The following SLC2A11 variants were observed in gnomAD, a reference collection of about 807,000 sequenced individuals.
The protein encoded by SLC2A11 is solute carrier family 2, facilitated glucose transporter member 11.
A neutral mutation model predicts 52.1 loss-of-function variants in SLC2A11; 43 were observed. The observed-to-expected ratio is 0.82, with a 90% CI of 0.65 to 1.06. SLC2A11 has a LOEUF of 1.06. SLC2A11 is among the 50% of genes least tolerant of loss of function. The pLI is 0.00. For missense variants in SLC2A11, 582 were observed against 654.2 expected (o/e 0.89, Z 1.20); for synonymous variants, 261 against 277.6 (o/e 0.94, Z 0.59).
At chr22:23,879,188 T>A (rs1184262090) in intron 6 of SLC2A11, among the ~76,000 whole-genome samples, 1 of 152,234 alleles carries the variant, frequency 6.6e-6, no homozygotes, top group Admixed American at 6.5e-5. Context: ...TTGTCCAGGC[T>A]GGAGTGCTGT....
At chr22:23,858,484 G>T (rs73158770) in intron 1 of SLC2A11, among the ~76,000 whole-genome samples, 9,410 of 152,228 alleles carry the variant, frequency 0.062, 322 homozygotes, top group Middle Eastern at 0.13. Flanking sequence ...ACCGCTTCTA[G>T]GGGTTCCTTC....
chr22:23,876,242 C>T (rs1033504004), intron 4 of SLC2A11, among the ~76,000 whole-genome samples: 4 of 152,146 alleles, frequency 2.6e-5, no homozygotes, highest in African/African-American at 4.8e-5. Flanking sequence ...GAGTAGCCCA[C>T]GATCCAGGGG....
intron 2 of SLC2A11, chr22:23,866,012 A>T (rs2032249016): frequency 6.6e-6 from 1 of 151,904 alleles, no homozygotes; most frequent in Admixed American, 6.6e-5. Context: ...CAAAAAAGTA[A>T]AAAAAATGCA....
intron 2 of SLC2A11, chr22:23,867,587 G>T: frequency 2.3e-6 from 1 of 441,296 alleles, no homozygotes; most frequent in Non-Finnish European, 4.7e-6. Flanking sequence ...GAGATGACAG[G>T]GTAGGGCCAC....
At chr22:23,864,412 C>T (rs573669151) in intron 2 of SLC2A11, among the ~76,000 whole-genome samples, 39 of 152,286 alleles carry the variant, frequency 2.6e-4, no homozygotes, top group African/African-American at 9.1e-4. Flanking sequence ...ACCTCCACCT[C>T]CTGGGTTCAA....
Position 23,875,904 on chromosome 22 carries a change from C to T in SLC2A11, c.415+663C>T, listed in dbSNP as rs148672019. 1.7e-3 allele frequency among the ~76,000 whole-genome samples: 264 copies of T among 152,260 alleles called. 1 individual carries two copies. The highest frequency in any genetic ancestry group is 5.8e-3 in the African/African-American group (242 of 41,528). On this transcript the variant is annotated intron_variant, in intron 4 of 11. Coordinates refer to ENST00000316185, the MANE Select transcript of SLC2A11 (RefSeq NM_001024939.4). The stretch of plus-strand genomic sequence containing the variant: ...GGTGGCTCTGGCTTGGGGTCTCTGA[C>T]GGGGCTGTGCTCAAGCTGTCAGGGC...
chr22:23,860,613 A>C (rs1378389265), intron 1 of SLC2A11, among the ~76,000 whole-genome samples: 1 of 151,820 alleles, frequency 6.6e-6, no homozygotes. Flanking sequence ...GCATGCCTGC[A>C]ATCCCAGCTA....
At position 23,868,561 on chromosome 22, in the gene SLC2A11, G is replaced by C; in HGVS notation, c.210G>C (p.Trp70Cys). 6.2e-7 allele frequency: 1 copy of C among 1,614,210 alleles called. No homozygotes were observed. The highest frequency in any genetic ancestry group is 8.5e-7 in the Non-Finnish European group (1 of 1,180,044). ...PLPDHLVLLM[W>C]SLIVSLYPLG... ...CCGATCACCTAGTCCTGCTTATGTGGTCCCTCATCGTGTCTCTGTATCCCC... is the reference window on the plus strand; with the variant it reads ...CCGATCACCTAGTCCTGCTTATGTGCTCCCTCATCGTGTCTCTGTATCCCC... The change falls in exon 3 of 12, where the codon TGG (tryptophan) becomes TGC (cysteine). Residue 70 changes from tryptophan (W) to cysteine (C), a missense_variant. By Grantham distance (215) the Trp-to-Cys change is radical. Transcript: ENST00000316185.
intron 4 of SLC2A11, among the ~76,000 whole-genome samples, chr22:23,876,359 G>A (rs1263969917): frequency 1.3e-5 from 2 of 152,088 alleles, no homozygotes; most frequent in East Asian, 1.9e-4. Flanking sequence ...AGACTCCTTG[G>A]CAATCAGCAT....
In SLC2A11 at chr22:23,884,176, G is replaced by C. The variant is rs2032922554; in HGVS notation, c.1172-126G>C. 3 of 1,478,610 alleles carry C rather than the reference G, an allele frequency of 2.0e-6. No homozygotes were observed. The highest frequency in any genetic ancestry group is 2.5e-5 in the Admixed American group (1 of 40,590). The allele number at this position is 1,478,610 out of a possible 1,614,324, so 91.6% of individuals were successfully genotyped here. A position where few individuals can be genotyped will look rare whatever the true frequency, so the allele number is the denominator to read the frequency against. On this transcript the variant is annotated intron_variant, in intron 10 of 11. Transcript: ENST00000316185. This position sits in a 1 kb window ranked among gnomAD's most constrained non-coding sequence, Gnocchi z 4.3. ...GGCTTCTGGGAGGGAATGGCAGGAG[G>C]AGAGCACTGAGGGGCCCCCCATACA...
Position 23,867,940 on chromosome 22 carries a change from C to T in SLC2A11, c.130-541C>T, listed in dbSNP as rs554757626. 5.4e-5 allele frequency: 18 copies of T among 331,480 alleles called. No homozygotes were observed. The East Asian group carries it at 1.2e-3, about 21-fold the overall frequency. 20.5% of individuals were successfully genotyped at this position (331,480 alleles called of 1,614,324 possible). On this transcript the variant is annotated intron_variant, in intron 2 of 11. Transcript: ENST00000316185. ...TCCTGAGTTTCGTGAGCCATTGTTG[C>T]AAATTATCAAACCCACAGAAAGGAT...
intron 3 of SLC2A11, 80 bp downstream of exon 3, chr22:23,868,721 G>C: frequency 6.5e-7 from 1 of 1,546,022 alleles, no homozygotes; most frequent in Non-Finnish European, 8.8e-7. Flanking sequence ...GTGGAAGAAG[G>C]AAGAGGCCCG....
chr22:23,861,963 T>C, intron 1 of SLC2A11, 141 bp from the exon 2 acceptor site: 1 of 736,068 alleles, frequency 1.4e-6, no homozygotes, highest in Non-Finnish European at 2.4e-6. Context: ...AACTCCTCTC[T>C]GTGCCTCACT....
chr22:23,879,984 C>T (rs67607077), intron 6 of SLC2A11, among the ~76,000 whole-genome samples: 2,009 of 152,224 alleles, frequency 0.013, 51 homozygotes, highest in African/African-American at 0.046. Context: ...GAGGCTGAGG[C>T]GGGCAGATCA....
At chr22:23,861,266 C>G (rs1198566236) in intron 1 of SLC2A11, among the ~76,000 whole-genome samples, 2 of 137,616 alleles carry the variant, frequency 1.5e-5, no homozygotes, top group African/African-American at 5.6e-5. Context: ...GTGTGAGCCA[C>G]TGCGCCAGGC....
intron 2 of SLC2A11, chr22:23,867,016 C>G (rs965135612): frequency 5.2e-5 from 8 of 152,444 alleles, no homozygotes; most frequent in Non-Finnish European, 8.8e-5. Flanking sequence ...TGATGTCCTG[C>G]TGGTGCTCAC....
chr22:23,882,476 G>A lies in SLC2A11; in HGVS notation c.712G>A (p.Gly238Ser). ...TGGCTCAGCACTACGGCGGCTCCGG[G>A]GCTCCGGGGACTTGGCAGGGGAGCT... The part of the protein sequence containing the change: ...ACLAALRRLR[G>S]SGDLAGELEE... Residue 238 changes from glycine (G) to serine (S), a missense_variant, in exon 7 of 12, where the codon GGC (glycine) becomes AGC (serine). By Grantham distance (56) the Gly-to-Ser change is moderately conservative (BLOSUM62 0). Transcript: ENST00000316185. 1 of 1,550,368 alleles carries A rather than the reference G, an allele frequency of 6.5e-7. No individual in the cohort carries two copies. Among genetic ancestry groups the A allele is most frequent in the Non-Finnish European group, 8.7e-7 (1 of 1,150,162 alleles).
chr22:23,884,738 A>C lies in SLC2A11; in HGVS notation c.1389A>C (p.Lys463Asn). 1 of 1,614,090 alleles carries C rather than the reference A, an allele frequency of 6.2e-7. No homozygotes were observed. Among genetic ancestry groups the C allele is most frequent in the Non-Finnish European group, 8.5e-7 (1 of 1,180,004 alleles). The change falls in exon 12 of 12, where the codon AAA becomes AAC. Residue 463 changes from lysine to asparagine, a missense_variant. Coordinates refer to ENST00000316185, the MANE Select transcript of SLC2A11 (RefSeq NM_001024939.4). The surrounding 1 kb of genome is among the most constrained non-coding windows in gnomAD (Gnocchi z 4.3). Reference sequence around the variant, plus strand: ...CTGGCCTGTTCCTTCCTGAGACCAAAGGCAAGACCTTCCAAGAGATCTCCA... The same window carrying C: ...CTGGCCTGTTCCTTCCTGAGACCAACGGCAAGACCTTCCAAGAGATCTCCA... ...IYTGLFLPET[K>N]GKTFQEISKE... is the part of the protein sequence containing the mutation.
chr22:23,857,581 C>CA (rs1555884646), upstream of SLC2A11: 34 of 1,453,038 alleles, frequency 2.3e-5, no homozygotes, highest in South Asian at 3.5e-4. Flanking sequence ...CCCCAAACCC[C>CA]CCCCCCGCGG....
Sources: allele counts gnomAD v4.1 joint callset (sites outside exome capture counted in the v4.1 genomes callset), GRCh38; gene constraint gnomAD v4.1.1; non-coding constraint Gnocchi (gnomAD v3.1); transcripts MANE v1.5; gene names NCBI Gene and HGNC (gene_info 2026-07-23, HGNC 2026-07-21).